Variants in DSP observed in about 807,000 individuals in gnomAD.
The protein encoded by DSP is desmoplakin, also known as 250/210 kDa paraneoplastic pemphigus antigen.
Under a neutral mutation model 290.6 loss-of-function variants are expected in DSP, and 114 were observed. That is an observed-to-expected ratio of 0.39 (90% CI 0.34 to 0.46). The LOEUF (loss-of-function observed/expected upper bound fraction) is 0.46. Ranked by LOEUF, DSP falls within the 20% of genes least tolerant of loss-of-function variation. DSP has a pLI of 0.99. For synonymous variants in DSP, 1,311 were observed against 1,316.4 expected (o/e 1.00, Z 0.09); for missense variants, 3,230 against 3,495.8 (o/e 0.92, Z 1.92).
In DSP at chr6:7,584,672, C is replaced by T. The variant is rs2113702276; in HGVS notation, c.7410C>T (p.Asp2470=). ...GGAAGCGTAGAGTGGTCATAGTTGA[C>T]CCAGAAACCAATAAAGAAATGTCTG... The part of the protein sequence containing the change: ...TLRKRRVVIV[D]PETNKEMSVQ... The change falls in exon 24 of 24, where the codon GAC becomes GAT. Residue 2470 remains aspartate, a synonymous_variant. Transcript: ENST00000379802. This position sits in a 1 kb window ranked among gnomAD's most constrained non-coding sequence, Gnocchi z 6.4. 6.2e-7 allele frequency: 1 copy of T among 1,614,128 alleles called. No homozygotes were observed. Among genetic ancestry groups the T allele is most frequent in the Non-Finnish European group, 8.5e-7 (1 of 1,180,030 alleles).
chr6:7,559,432 G>A, intron 4 of DSP, 32 bp downstream of exon 4: 1 of 1,611,856 alleles, frequency 6.2e-7, no homozygotes, highest in Non-Finnish European at 8.5e-7. Context: ...CCAAACCTGT[G>A]CAGGCCAGAC....
intron 7 of DSP, among the ~76,000 whole-genome samples, chr6:7,566,065 G>A (rs567966251): frequency 3.9e-5 from 6 of 152,194 alleles, no homozygotes; most frequent in African/African-American, 9.6e-5. Context: ...GAACTGGTAC[G>A]TTCAGATAAC....
intron 15 of DSP, 63 bp downstream of exon 15, chr6:7,572,131 A>T (rs929632870): frequency 2.8e-5 from 39 of 1,402,054 alleles, no homozygotes; most frequent in African/African-American, 1.7e-4. Context: ...GTAAATGAAT[A>T]AAAAAAATCC....
In DSP at chr6:7,580,782, A is replaced by G; in HGVS notation, c.4592A>G (p.Gln1531Arg). The part of the protein sequence containing the change: ...ATETINKLKV[Q>R]EQELTRLRID... ...GAGACAATAAACAAACTGAAGGTTC[A>G]GGAGCAAGAACTGACACGCCTGAGG... Residue 1531 changes from glutamine to arginine, a missense_variant, in exon 23 of 24, where the codon CAG (glutamine) becomes CGG (arginine). Transcript: ENST00000379802. This position sits in a 1 kb window ranked among gnomAD's most constrained non-coding sequence, Gnocchi z 4.2. 6.2e-7 allele frequency: 1 copy of G among 1,614,182 alleles called. No individual in the cohort carries two copies. Among genetic ancestry groups the G allele is most frequent in the Non-Finnish European group, 8.5e-7 (1 of 1,180,040 alleles).
At chr6:7,576,878 C>T (rs1323502209) in intron 19 of DSP, 81 bp from the exon 20 acceptor site, 1 of 1,204,180 alleles carries the variant, frequency 8.3e-7, no homozygotes, top group Non-Finnish European at 1.2e-6. Context: ...GTACAAATAA[C>T]AGTGGTAAAA....
At chr6:7,543,402 T>A (rs1165820444) in intron 1 of DSP, among the ~76,000 whole-genome samples, 1 of 150,564 alleles carries the variant, frequency 6.6e-6, no homozygotes, top group Non-Finnish European at 1.5e-5. Context: ...GCTTTTTTTT[T>A]TTTTTTTTTT....
intron 1 of DSP, among the ~76,000 whole-genome samples, chr6:7,543,497 C>T (rs1167252554): frequency 6.8e-6 from 1 of 147,290 alleles, no homozygotes; most frequent in African/African-American, 2.5e-5. Flanking sequence ...GGAAAATGTG[C>T]CAAGCAATAG....
intron 12 of DSP, 144 bp downstream of exon 12, chr6:7,569,484 C>T: frequency 1.7e-6 from 2 of 1,201,578 alleles, no homozygotes; most frequent in East Asian, 2.4e-5. Flanking sequence ...TTGTGAAGGT[C>T]ACCTTCACTT....
chr6:7,559,763 G>A (rs967700579), intron 4 of DSP, among the ~76,000 whole-genome samples: 10 of 152,208 alleles, frequency 6.6e-5, no homozygotes, highest in African/African-American at 2.4e-4. Flanking sequence ...TATGTGAGTG[G>A]CAACTGACCT....
In DSP at chr6:7,568,045, G is replaced by A; in HGVS notation, c.1266+139G>A. On this transcript the variant is annotated intron_variant, in intron 10 of 23. Transcript: ENST00000379802. The stretch of plus-strand genomic sequence containing the variant: ...AAGCAAGCATTTTCTTCAGCTTCCA[G>A]TGGCTTTTCTCAAAATTAACTTCTT... 3.8e-6 allele frequency: 5 copies of A among 1,330,418 alleles called. No homozygotes were observed. In the South Asian group the frequency reaches 6.4e-5, roughly 17 times the overall value. The allele number at this position is 1,330,418 out of a possible 1,614,324, so 82.4% of individuals were successfully genotyped here. A position where few individuals can be genotyped will look rare whatever the true frequency, so the allele number is the denominator to read the frequency against.
chr6:7,577,017 C>G lies in DSP; in HGVS notation c.2852C>G (p.Ala951Gly), dbSNP rs1418218757. The change falls in exon 20 of 24, where the codon GCT becomes GGT. Residue 951 changes from alanine (A) to glycine (G), a missense_variant. Physicochemically the swap from Ala to Gly is moderately conservative, Grantham distance 60. Transcript: ENST00000379802. Reference protein sequence around the residue: ...RDKSEEVQKIAELCANSIKDY... With the variant: ...RDKSEEVQKIGELCANSIKDY... ...AAATCAGAGGAAGTACAAAAAATTG[C>G]TGAACTTTGCGCCAATTCAATTAAG... 1.2e-6 allele frequency: 2 copies of G among 1,612,512 alleles called. No individual in the cohort carries two copies. The highest frequency in any genetic ancestry group is 1.7e-6 in the Non-Finnish European group (2 of 1,179,320).
Position 7,561,603 on chromosome 6 carries a change from C to G in DSP, c.598-1049C>G, listed in dbSNP as rs558046715. On this transcript the variant is annotated intron_variant, in intron 4 of 23. Transcript: ENST00000379802. Reference sequence around the variant, plus strand: ...TGGTAATGAGACGCCTGAGCTGGAGCCTGGTCACGTTGCTAATGTCCCACT... The same window carrying G: ...TGGTAATGAGACGCCTGAGCTGGAGGCTGGTCACGTTGCTAATGTCCCACT... Among the ~76,000 whole-genome samples the G allele has an allele frequency of 9.9e-5, 15 of 152,264 alleles. No homozygotes were observed. In the East Asian group the frequency reaches 1.7e-3, roughly 18 times the overall value.
rs1206306343 is a variant in DSP at position 7,584,632 on chromosome 6, A to C, written c.7370A>C (p.Gln2457Pro). The C allele has an allele frequency of 1.9e-6, 3 of 1,614,180 alleles. No individual in the cohort carries two copies. The highest frequency in any genetic ancestry group is 2.5e-6 in the Non-Finnish European group (3 of 1,180,032). ...AAGAAGAAACAGGTGCAGACATCACAAAAGAATACCCTCAGGAAGCGTAGA... is the reference window on the plus strand; with the variant it reads ...AAGAAGAAACAGGTGCAGACATCACCAAAGAATACCCTCAGGAAGCGTAGA... ...KEKKKQVQTS[Q>P]KNTLRKRRVV... Residue 2457 changes from glutamine to proline, a missense_variant, in exon 24 of 24, where the codon CAA (glutamine) becomes CCA (proline). Physicochemically the swap from Gln to Pro is moderately conservative, Grantham distance 76. Around this residue, in one of 5 missense-constraint regions of DSP, gnomAD observed 582 missense variants for 555.4 expected, o/e 1.05. Coordinates refer to ENST00000379802, the MANE Select transcript of DSP (RefSeq NM_004415.4). The surrounding 1 kb of genome is among the most constrained non-coding windows in gnomAD (Gnocchi z 6.4).
chr6:7,582,420 G>C lies in DSP; in HGVS notation c.5380-222G>C, dbSNP rs1003785086. 6.6e-6 allele frequency among the ~76,000 whole-genome samples: 1 copy of C among 151,606 alleles called. No homozygotes were observed. The highest frequency in any genetic ancestry group is 2.4e-5 in the African/African-American group (1 of 41,298). ...ACAGTTCCTTCTATAGAAAAAAATA[G>C]TAAGTATGAAGCCATTTATTGAAGT... On this transcript the variant is annotated intron_variant, in intron 23 of 23. Coordinates refer to ENST00000379802, the MANE Select transcript of DSP (RefSeq NM_004415.4). The surrounding 1 kb of genome is among the most constrained non-coding windows in gnomAD (Gnocchi z 4.2).
intron 1 of DSP, among the ~76,000 whole-genome samples, chr6:7,547,383 CT>C (rs1758196928): frequency 1.3e-5 from 2 of 151,778 alleles, no homozygotes; most frequent in Non-Finnish European, 2.9e-5. Flanking sequence ...TAGTGAGAAG[CT>C]GCAGCAAACA....
rs765847051 is a variant in DSP, at chr6:7,581,112, A to G, written c.4922A>G (p.Asp1641Gly). The G allele has an allele frequency of 6.2e-7, 1 of 1,614,120 alleles. No individual in the cohort carries two copies. The highest frequency in any genetic ancestry group is 2.2e-5 in the East Asian group (1 of 44,884). The change falls in exon 23 of 24, where the codon GAT (aspartate) becomes GGT (glycine). Residue 1641 changes from aspartate (D) to glycine (G), a missense_variant. Asp to Gly is a moderately conservative substitution (Grantham distance 94). This residue lies in a region of DSP where 1,714 missense variants were observed against 1,844.5 expected (regional missense o/e 0.93). Coordinates refer to ENST00000379802, the MANE Select transcript of DSP (RefSeq NM_004415.4). ...CTCCGGCAGCAGAGGGACGTGCTGGATGGCCACCTGAGGGAAAAGCAGAGG... is the reference window on the plus strand; with the variant it reads ...CTCCGGCAGCAGAGGGACGTGCTGGGTGGCCACCTGAGGGAAAAGCAGAGG... ...DDLRQQRDVL[D>G]GHLREKQRTQ...
In DSP at chr6:7,559,343, G is replaced by T; in HGVS notation, c.540G>T (p.Trp180Cys). ...ACACTTGTCAGAGTGGCTCTGGCTG[G>T]GATGAGTTCACCAAACATGTCACCA... is the stretch of plus-strand genomic sequence containing the variant. Reference protein sequence around the residue: ...GGYTCQSGSGWDEFTKHVTSE... With the variant: ...GGYTCQSGSGCDEFTKHVTSE... The change falls in exon 4 of 24, where the codon TGG becomes TGT. Residue 180 changes from tryptophan (W) to cysteine (C), a missense_variant. Around this residue, in one of 5 missense-constraint regions of DSP, gnomAD observed 646 missense variants for 684.3 expected, o/e 0.94. Coordinates refer to ENST00000379802, the MANE Select transcript of DSP (RefSeq NM_004415.4). The T allele has an allele frequency of 6.2e-7, 1 of 1,613,616 alleles. No homozygotes were observed. The highest frequency in any genetic ancestry group is 8.5e-7 in the Non-Finnish European group (1 of 1,180,034).
chr6:7,575,946 C>T (rs1759227870), intron 18 of DSP, among the ~76,000 whole-genome samples: 1 of 152,140 alleles, frequency 6.6e-6, no homozygotes, highest in Admixed American at 6.5e-5. Flanking sequence ...ATATGTAGTC[C>T]ATTGTGACTG....
At position 7,577,902 on chromosome 6, in the gene DSP, C is replaced by T. The variant is rs1428634092; in HGVS notation, c.2985+16C>T. The T allele has an allele frequency of 1.3e-6, 2 of 1,596,482 alleles. No homozygotes were observed. Among genetic ancestry groups the T allele is most frequent in the East Asian group, 4.5e-5 (2 of 44,796 alleles). On this transcript the variant is annotated intron_variant, in intron 21 of 23. Transcript: ENST00000379802. ...TCTGCAAGAGGTATATATGTCATCA[C>T]ATATCTCTTAAAACCTGCCCCTCCT...
Sources: allele counts gnomAD v4.1 joint callset (sites outside exome capture counted in the v4.1 genomes callset), GRCh38; gene constraint gnomAD v4.1.1; regional missense constraint gnomAD v4.1.1; non-coding constraint Gnocchi (gnomAD v3.1); transcripts MANE v1.5; gene names NCBI Gene and HGNC (gene_info 2026-07-23, HGNC 2026-07-21).